ZNF544: variants seen among roughly 807,000 people sequenced by gnomAD.
ZNF544 encodes the protein zinc finger protein AF020591.
A neutral mutation model predicts 13.5 loss-of-function variants in ZNF544; 10 were observed. The observed-to-expected ratio is 0.74, with a 90% confidence interval of 0.46 to 1.25. The LOEUF is 1.25. Ranked by LOEUF, ZNF544 falls within the 50% of genes most tolerant of loss-of-function variation. ZNF544 has a pLI of 0.00. For missense variants in ZNF544, 896 were observed against 845.6 expected (o/e 1.06, Z -0.74); for synonymous variants, 323 against 300.5 (o/e 1.07, Z -0.77).
At chr19:58,239,373 C>T (rs1250374323) in intron 3 of ZNF544, among the ~76,000 whole-genome samples, 1 of 112,932 alleles carries the variant, frequency 8.9e-6, no homozygotes, top group Non-Finnish European at 1.8e-5. Context: ...TGGAAACTGT[C>T]TTCAAACATG....
At chr19:58,236,454 T>C (rs975925536) in intron 3 of ZNF544, among the ~76,000 whole-genome samples, 8 of 147,824 alleles carry the variant, frequency 5.4e-5, no homozygotes, top group Admixed American at 1.4e-4. Context: ...CCGAGATCGC[T>C]TGGCGCCATT....
rs1339999078 is a variant in ZNF544, at chr19:58,246,791, C to T, written c.241C>T (p.Arg81Ter). 5.0e-6 allele frequency: 8 copies of T among 1,613,768 alleles called. No individual in the cohort carries two copies. Among genetic ancestry groups the T allele is most frequent in the African/African-American group, 1.3e-5 (1 of 74,924 alleles). ...DLCRAEQEAPRDWKATLEENR... is the reference protein window; with the variant it reads ...DLCRAEQEAP ...GTGCAGGGCAGAGCAGGAGGCCCCCCGAGGTAAGAGCAGACCTTGTGGTGA... is the reference window on the plus strand; with the variant it reads ...GTGCAGGGCAGAGCAGGAGGCCCCCTGAGGTAAGAGCAGACCTTGTGGTGA... The change falls in exon 6 of 7, where the codon CGA becomes TGA. Residue 81 changes from arginine (R) to a stop codon, truncating the protein, a stop_gained. Transcript: ENST00000687789. LOFTEE classifies it low-confidence loss of function (END_TRUNC).
chr19:58,246,309 G>A lies in ZNF544; in HGVS notation c.42G>A (p.Val14=), dbSNP rs373433724. ...RSMLVPPQAS[V]CFEDVAMAFT... ...CAAGTGCCCTGTTTCAGGCATCTGT[G>A]TGCTTCGAGGATGTGGCTATGGCAT... Residue 14 remains valine, a synonymous_variant, in exon 5 of 7, where the codon GTG becomes GTA. Coordinates refer to ENST00000687789, the MANE Select transcript of ZNF544 (RefSeq NM_014480.4). 9 of 1,613,998 alleles carry A rather than the reference G, an allele frequency of 5.6e-6. No homozygotes were observed. The African/African-American group carries it at 9.3e-5, about 17-fold the overall frequency.
chr19:58,264,744 C>G (rs2049629828), downstream of ZNF544, among the ~76,000 whole-genome samples: 2 of 152,104 alleles, frequency 1.3e-5, no homozygotes, highest in African/African-American at 2.4e-5. Context: ...TGGCTCATGC[C>G]TGTAATCCCA....
downstream of ZNF544, chr19:58,264,076 C>G (rs2049510457): frequency 1.5e-5 from 2 of 132,808 alleles, no homozygotes; most frequent in East Asian, 4.5e-4. Context: ...GCCTGGGCAA[C>G]AGAGCAAGAC....
chr19:58,229,778 G>A (rs761729876), intron 2 of ZNF544: 1 of 152,464 alleles, frequency 6.6e-6, no homozygotes, highest in Non-Finnish European at 1.5e-5. Context: ...GGTTCCATTT[G>A]TGTTGGGTGA....
At chr19:58,274,938 G>T (rs548758285) in intron 5 of ZNF544, among the ~76,000 whole-genome samples, 11 of 151,900 alleles carry the variant, frequency 7.2e-5, no homozygotes, top group African/African-American at 2.7e-4. Flanking sequence ...AGTAGGCAAA[G>T]AAACCACAGA....
At chr19:58,277,367 G>A in exon 7 of ZNF544, 1 of 761,092 alleles carries the variant, frequency 1.3e-6, no homozygotes. Context: ...GGTGTGAAGG[G>A]CCATGTCATG....
intron 6 of ZNF544, among the ~76,000 whole-genome samples, chr19:58,252,480 TA>T (rs1045177197): frequency 2.6e-5 from 4 of 152,196 alleles, no homozygotes; most frequent in Admixed American, 1.3e-4. Flanking sequence ...TTCATATACA[TA>T]ACTTTCTTCA....
chr19:58,260,649 T>C, intron 6 of ZNF544: 1 of 533,366 alleles, frequency 1.9e-6, no homozygotes, highest in East Asian at 3.1e-5. Context: ...TTCTTTATTA[T>C]GTTTGCTTGT....
intron 1 of ZNF544, 39 bp downstream of exon 1, chr19:58,228,985 C>T (rs2040521184): frequency 6.6e-6 from 1 of 152,390 alleles, no homozygotes; most frequent in African/African-American, 2.4e-5. Flanking sequence ...GGAGGTTTCA[C>T]TGTTAGCCGG....
chr19:58,261,150 A>G lies in ZNF544; in HGVS notation c.544A>G (p.Thr182Ala). Reference sequence around the variant, plus strand: ...TCTACCTACAACATTACCTACAAGTACAGGTTTCCCTAAGCCCAACTCACA... The same window carrying G: ...TCTACCTACAACATTACCTACAAGTGCAGGTTTCCCTAAGCCCAACTCACA... ...SLLPTTLPTS[T>A]GFPKPNSQVK... is the part of the protein sequence containing the mutation. The change falls in exon 7 of 7, where the codon ACA becomes GCA. Residue 182 changes from threonine to alanine, a missense_variant. Transcript: ENST00000687789. The G allele has an allele frequency of 6.2e-7, 1 of 1,614,172 alleles. No homozygotes were observed. Among genetic ancestry groups the G allele is most frequent in the Non-Finnish European group, 8.5e-7 (1 of 1,180,042 alleles).
intron 6 of ZNF544, among the ~76,000 whole-genome samples, chr19:58,249,962 G>T (rs1205063285): frequency 6.6e-6 from 1 of 152,204 alleles, no homozygotes; most frequent in Non-Finnish European, 1.5e-5. Flanking sequence ...CCTACCAAAA[G>T]GGATGTGAGT....
At chr19:58,232,783 AAAAAAT>A (rs1389500394) in intron 3 of ZNF544, among the ~76,000 whole-genome samples, 2 of 139,394 alleles carry the variant, frequency 1.4e-5, no homozygotes, top group Admixed American at 1.5e-4. Flanking sequence ...AAAAAAAAAA[AAAAAAT>A]ACAAAAAATT....
chr19:58,272,420 G>A (rs1347577035), intron 5 of ZNF544, among the ~76,000 whole-genome samples: 1 of 152,036 alleles, frequency 6.6e-6, no homozygotes, highest in Non-Finnish European at 1.5e-5. Flanking sequence ...AACCAGGTGT[G>A]GTGGCACGCG....
At chr19:58,235,430 A>G (rs893669949) in intron 3 of ZNF544, among the ~76,000 whole-genome samples, 1 of 152,232 alleles carries the variant, frequency 6.6e-6, no homozygotes, top group African/African-American at 2.4e-5. Flanking sequence ...GACGGTAGGC[A>G]CAAAATAGTA....
At chr19:58,266,174 C>G (rs2049849091), downstream of ZNF544, among the ~76,000 whole-genome samples, 1 of 139,010 alleles carries the variant, frequency 7.2e-6, no homozygotes, top group Non-Finnish European at 1.5e-5. Flanking sequence ...CCGTTGAACT[C>G]CAGCCTGGGC....
chr19:58,275,367 A>C (rs548535539), intron 5 of ZNF544, among the ~76,000 whole-genome samples: 63 of 152,184 alleles, frequency 4.1e-4, no homozygotes, highest in African/African-American at 1.4e-3. Context: ...AGAAAAAGCC[A>C]ACATCTCATT....
chr19:58,245,351 G>A (rs996414742), intron 4 of ZNF544, among the ~76,000 whole-genome samples: 1 of 151,256 alleles, frequency 6.6e-6, no homozygotes, highest in African/African-American at 2.4e-5. Context: ...ACCCAGGCTG[G>A]AGTACAATGG....
Sources: allele counts gnomAD v4.1 joint callset (sites outside exome capture counted in the v4.1 genomes callset), GRCh38; gene constraint gnomAD v4.1.1; transcripts MANE v1.5; gene names NCBI Gene and HGNC (gene_info 2026-07-23, HGNC 2026-07-21).